Variants in USH2A observed in about 807,000 individuals in gnomAD.
USH2A encodes usherin.
In USH2A, 443 loss-of-function variants were observed where a neutral mutation model predicts 538.9. That is an observed-to-expected ratio of 0.82 (90% CI 0.76 to 0.89). The LOEUF is 0.89. Ranked by LOEUF, USH2A falls within the 40% of genes least tolerant of loss-of-function variation. USH2A has a pLI of 0.00. For synonymous variants in USH2A, 2,413 were observed against 2,273.5 expected (o/e 1.06, Z -1.75); for missense variants, 6,633 against 6,324.8 (o/e 1.05, Z -1.65).
chr1:216,010,454 G>A (rs941537702), intron 32 of USH2A, among the ~76,000 whole-genome samples: 2 of 151,630 alleles, frequency 1.3e-5, no homozygotes, highest in African/African-American at 2.4e-5. Flanking sequence ...ACCCCTTCTC[G>A]GCTTAGTGGC....
rs2034357705 is a variant in USH2A, at chr1:216,175,395, C to A, written c.4484G>T (p.Gly1495Val). The change falls in exon 21 of 72, where the codon GGA (glycine) becomes GTA (valine). Residue 1495 changes from glycine to valine, a missense_variant. Coordinates refer to ENST00000307340, the MANE Select transcript of USH2A (RefSeq NM_206933.4). ...TTCCAGCTGATATATAGGAGAGGGT[C>A]CATTCAGTTCTTCAGGTGGAAACCA... ...LRWFPPEELN[G>V]PSPIYQLERR... 6.2e-7 allele frequency: 1 copy of A among 1,613,570 alleles called. No individual in the cohort carries two copies. The highest frequency in any genetic ancestry group is 1.6e-4 in the Middle Eastern group (1 of 6,072).
intron 30 of USH2A, among the ~76,000 whole-genome samples, chr1:216,050,587 T>TCCCTTCCCTTCCCTTCC (rs370105461): frequency 2.7e-5 from 1 of 36,586 alleles, no homozygotes; most frequent in African/African-American, 7.4e-5. Flanking sequence ...TTTCTTTCTT[T>TCCCTTCCCTTCCCTTCC]CTTTCTTTCT....
At chr1:216,051,628 C>T (rs1348919922) in intron 30 of USH2A, among the ~76,000 whole-genome samples, 2 of 152,164 alleles carry the variant, frequency 1.3e-5, no homozygotes, top group Non-Finnish European at 2.9e-5. Flanking sequence ...AGGCTAGTTT[C>T]CCTTTATCAT....
intron 44 of USH2A, among the ~76,000 whole-genome samples, chr1:215,849,064 CT>C (rs1425620180): frequency 1.6e-4 from 24 of 152,134 alleles, no homozygotes; most frequent in Non-Finnish European, 1.8e-4. Flanking sequence ...AAATTTCACC[CT>C]CCCTGTCTAT....
At chr1:216,075,806 A>C (rs1303248916) in intron 27 of USH2A, among the ~76,000 whole-genome samples, 2 of 152,154 alleles carry the variant, frequency 1.3e-5, no homozygotes, top group African/African-American at 4.8e-5. Flanking sequence ...AAAACAAGAA[A>C]GAAAATTAGT....
chr1:215,674,699 C>T lies in USH2A; in HGVS notation c.13212G>A (p.Leu4404=). The change falls in exon 63 of 72, where the codon CTG becomes CTA. Residue 4404 remains leucine (L), a synonymous_variant. Transcript: ENST00000307340. ...GCTGCAGGTGGGAAACCAGCAGGCA[C>T]AGGCCCTGGCCAGCAAGGGACTCTT... is the stretch of plus-strand genomic sequence containing the variant. The part of the protein sequence containing the change: ...DNKESLAGQG[L]CLLVSHLQPY... 6.2e-7 allele frequency: 1 copy of T among 1,614,098 alleles called. No homozygotes were observed. The highest frequency in any genetic ancestry group is 1.1e-5 in the South Asian group (1 of 91,080).
intron 32 of USH2A, among the ~76,000 whole-genome samples, chr1:216,006,457 T>C (rs1668395289): frequency 6.6e-6 from 1 of 152,142 alleles, no homozygotes; most frequent in South Asian, 2.1e-4. Flanking sequence ...ACATCCCCAG[T>C]CCTCTTCTAT....
chr1:215,785,932 TACACACACACACAC>T lies in USH2A; in HGVS notation c.10387+724_10387+737del, dbSNP rs10638003. Among the ~76,000 whole-genome samples, 86 of 146,500 alleles carry T rather than the reference TACACACACACACAC, an allele frequency of 5.9e-4. No individual in the cohort carries two copies. The East Asian group carries it at 0.012, about 21-fold the overall frequency. ...TCTATTGAATCAAGATGATAGATGA[TACACACACACACAC>T]ACACACACACACACACACACACAAA... On this transcript the variant is annotated intron_variant, in intron 52 of 71. Coordinates refer to ENST00000307340, the MANE Select transcript of USH2A (RefSeq NM_206933.4).
At chr1:216,100,930 T>G (rs1240602530) in intron 21 of USH2A, among the ~76,000 whole-genome samples, 2 of 152,172 alleles carry the variant, frequency 1.3e-5, no homozygotes, top group Non-Finnish European at 2.9e-5. Context: ...AACTAAAATA[T>G]AATATTTTAC....
intron 47 of USH2A, among the ~76,000 whole-genome samples, chr1:215,823,267 T>A (rs1228796741): frequency 6.6e-6 from 1 of 152,072 alleles, no homozygotes; most frequent in Non-Finnish European, 1.5e-5. Flanking sequence ...TGGGAAGGAC[T>A]TCATTTCTCT....
At chr1:216,374,886 C>A (rs977603385) in intron 3 of USH2A, among the ~76,000 whole-genome samples, 3 of 152,096 alleles carry the variant, frequency 2.0e-5, no homozygotes, top group Non-Finnish European at 4.4e-5. Flanking sequence ...TCAGCCATTT[C>A]TCCAAGGAAT....
At chr1:215,834,225 A>G (rs1301407840) in intron 47 of USH2A, among the ~76,000 whole-genome samples, 1 of 152,140 alleles carries the variant, frequency 6.6e-6, no homozygotes, top group Non-Finnish European at 1.5e-5. Flanking sequence ...ATCTTCACAC[A>G]AAAACCTGTA....
intron 37 of USH2A, among the ~76,000 whole-genome samples, chr1:215,944,778 T>G (rs1666717534): frequency 6.6e-6 from 1 of 152,216 alleles, no homozygotes; most frequent in Non-Finnish European, 1.5e-5. Context: ...CTAAAATACT[T>G]TTTTACAACA....
At position 216,324,168 on chromosome 1, in the gene USH2A, T is replaced by C. The variant is rs1319813910; in HGVS notation, c.1328A>G (p.Asn443Ser). Residue 443 changes from asparagine (N) to serine (S), a missense_variant and splice_region_variant, in exon 7 of 72, where the codon AAT becomes AGT. Transcript: ENST00000307340. ...ATTAATTGTTTAAAAATATTCATACTTGGAAAGCTGAAGACAGTTGACAGA... is the reference window on the plus strand; with the variant it reads ...ATTAATTGTTTAAAAATATTCATACCTGGAAAGCTGAAGACAGTTGACAGA... ...PDSVNCLQLS[N>S]FTPYSRGNVT... The C allele has an allele frequency of 2.5e-6, 4 of 1,612,822 alleles. No homozygotes were observed. In the East Asian group the frequency reaches 9.0e-5, roughly 36 times the overall value.
At chr1:215,954,639 C>T (rs1304482865) in intron 37 of USH2A, among the ~76,000 whole-genome samples, 2 of 151,646 alleles carry the variant, frequency 1.3e-5, no homozygotes, top group Non-Finnish European at 1.5e-5. Context: ...GGGTGCAGCA[C>T]ACCAACATGG....
At chr1:215,676,133 G>GAC (rs931355121) in intron 62 of USH2A, among the ~76,000 whole-genome samples, 3 of 152,058 alleles carry the variant, frequency 2.0e-5, no homozygotes, top group African/African-American at 7.3e-5. Flanking sequence ...TAGGCACACA[G>GAC]ACACCTATAT....
chr1:216,132,961 A>G lies in USH2A; in HGVS notation c.4628-35748T>C, dbSNP rs548747143. On this transcript the variant is annotated intron_variant, in intron 21 of 71. Transcript: ENST00000307340. Reference sequence around the variant, plus strand: ...AGTGGGATAAGAATTCATTTTTAATAGGAAAAACATATCTTCATCCTCAAA... The same window carrying G: ...AGTGGGATAAGAATTCATTTTTAATGGGAAAAACATATCTTCATCCTCAAA... Among the ~76,000 whole-genome samples the G allele has an allele frequency of 6.4e-4, 98 of 152,274 alleles. 1 individual carries two copies. The highest frequency in any genetic ancestry group is 2.3e-3 in the African/African-American group (97 of 41,576).
rs745350407 is a variant in USH2A, at chr1:216,089,077, C to T, written c.4821G>A (p.Trp1607Ter). ...DHGKQYSDGK[W>*]HEIIAIRHQA... ...GATGCCTAATAGCAATTATTTCATG[C>T]CATTTTCCATCACTATATTGTTTGC... The change falls in exon 23 of 72, where the codon TGG (tryptophan) becomes TGA (stop). Residue 1607 changes from tryptophan (W) to a stop codon, truncating the protein, a stop_gained. Coordinates refer to ENST00000307340, the MANE Select transcript of USH2A (RefSeq NM_206933.4). LOFTEE classifies it high-confidence loss of function. 8 of 1,613,430 alleles carry T rather than the reference C, an allele frequency of 5.0e-6. No homozygotes were observed. Among genetic ancestry groups the T allele is most frequent in the South Asian group, 1.1e-5 (1 of 91,070 alleles).
chr1:215,724,226 C>T (rs962799651), intron 61 of USH2A, among the ~76,000 whole-genome samples: 3 of 142,040 alleles, frequency 2.1e-5, no homozygotes, highest in Non-Finnish European at 4.6e-5. Context: ...GTGAAACACA[C>T]ACACACACAC....
Sources: gnomAD v4.1 joint callset for allele counts (sites outside exome capture counted in the v4.1 genomes callset) on GRCh38, gnomAD v4.1.1 for gene constraint, MANE v1.5 for transcripts, NCBI Gene and HGNC (gene_info 2026-07-23, HGNC 2026-07-21) for gene names.